TMEM245: variants seen among roughly 807,000 people sequenced by gnomAD.
The protein encoded by TMEM245 is protein CG-2.
A neutral mutation model predicts 101.2 loss-of-function variants in TMEM245; 69 were observed. That is an observed-to-expected ratio of 0.68 (90% CI 0.56 to 0.83). The LOEUF is 0.83. TMEM245 is among the 40% of genes least tolerant of loss of function. The pLI is 0.00. For missense variants in TMEM245, 1,075 were observed against 1,092.8 expected (o/e 0.98, Z 0.23); for synonymous variants, 537 against 449.8 (o/e 1.19, Z -2.45).
rs1310032788 is a variant in TMEM245 at position 109,087,315 on chromosome 9, T to G, written c.1178A>C (p.His393Pro). Reference protein sequence around the residue: ...AVWILKKLVIHFGVVDFLEKR... With the variant: ...AVWILKKLVIPFGVVDFLEKR... ...CTCTAGGAAATCCACAACTCCAAAGTGAATGACAAGCTTTTTGAGTATCCA... is the reference window on the plus strand; with the variant it reads ...CTCTAGGAAATCCACAACTCCAAAGGGAATGACAAGCTTTTTGAGTATCCA... The change falls in exon 6 of 18, where the codon CAC becomes CCC. Residue 393 changes from histidine (H) to proline (P), a missense_variant. His to Pro is a moderately conservative substitution (Grantham distance 77, BLOSUM62 -2). Around this residue, in one of 2 missense-constraint regions of TMEM245, gnomAD observed 808 missense variants for 741.5 expected, o/e 1.09. Coordinates refer to ENST00000374586, the MANE Select transcript of TMEM245 (RefSeq NM_032012.4). 6.2e-7 allele frequency: 1 copy of G among 1,605,580 alleles called. No individual in the cohort carries two copies. Among genetic ancestry groups the G allele is most frequent in the Non-Finnish European group, 8.5e-7 (1 of 1,177,098 alleles).
intron 3 of TMEM245, among the ~76,000 whole-genome samples, chr9:109,097,164 C>G (rs796498178): frequency 2.6e-4 from 40 of 152,240 alleles, no homozygotes; most frequent in African/African-American, 8.4e-4. Flanking sequence ...CAAAAGTAAG[C>G]TAGATAAAGA....
At chr9:109,048,028 A>C (rs1161970011) in intron 14 of TMEM245, among the ~76,000 whole-genome samples, 1 of 152,246 alleles carries the variant, frequency 6.6e-6, no homozygotes, top group Non-Finnish European at 1.5e-5. Context: ...GATGATAGTC[A>C]ATGGTCATAT....
intron 10 of TMEM245, among the ~76,000 whole-genome samples, chr9:109,063,157 T>C (rs1286388829): frequency 6.6e-6 from 1 of 152,134 alleles, no homozygotes; most frequent in African/African-American, 2.4e-5. Flanking sequence ...AGTTTCTCCG[T>C]CTCTGAGAGT....
intron 4 of TMEM245, 133 bp downstream of exon 4, chr9:109,093,342 T>C (rs1361729923): frequency 2.8e-6 from 2 of 716,796 alleles, no homozygotes; most frequent in East Asian, 2.6e-5. Context: ...GGCATAAAAA[T>C]AGGAACCAAA....
At chr9:109,092,583 C>T (rs1830036312) in intron 4 of TMEM245, among the ~76,000 whole-genome samples, 1 of 152,220 alleles carries the variant, frequency 6.6e-6, no homozygotes, top group Non-Finnish European at 1.5e-5. Flanking sequence ...TTCCTCTCCA[C>T]TTTGGAAACA....
intron 17 of TMEM245, among the ~76,000 whole-genome samples, chr9:109,032,548 C>T (rs1327758672): frequency 2.6e-5 from 4 of 150,946 alleles, no homozygotes; most frequent in Non-Finnish European, 4.4e-5. Flanking sequence ...CCACATCTGG[C>T]TAATTTTTGG....
chr9:109,066,023 T>A (rs1226204810), intron 9 of TMEM245, among the ~76,000 whole-genome samples: 1 of 152,040 alleles, frequency 6.6e-6, no homozygotes, highest in Non-Finnish European at 1.5e-5. Context: ...CAGAAAAAAA[T>A]AAGAGATCTT....
At chr9:109,106,751 T>G (rs1564210144) in intron 2 of TMEM245, 142 bp from the exon 3 acceptor site, 1 of 579,066 alleles carries the variant, frequency 1.7e-6, no homozygotes, top group Non-Finnish European at 3.0e-6. Flanking sequence ...AAAAAAAAAT[T>G]TAAGTCCATT....
chr9:109,074,990 T>C (rs1326329053), intron 8 of TMEM245, among the ~76,000 whole-genome samples: 3 of 152,120 alleles, frequency 2.0e-5, no homozygotes, highest in Admixed American at 6.5e-5. Context: ...TTGTGGGATA[T>C]GGAAAAAGAG....
chr9:109,077,836 G>A (rs769257695), intron 8 of TMEM245, among the ~76,000 whole-genome samples: 1 of 152,152 alleles, frequency 6.6e-6, no homozygotes, highest in Non-Finnish European at 1.5e-5. Flanking sequence ...CATACCAAAA[G>A]CAAGTTGGAA....
At chr9:109,074,598 C>T (rs1829438612) in intron 8 of TMEM245, among the ~76,000 whole-genome samples, 1 of 139,968 alleles carries the variant, frequency 7.1e-6, no homozygotes, top group African/African-American at 2.6e-5. Context: ...TCATCTCTGT[C>T]CCTTTCTGCA....
chr9:109,070,448 A>C (rs1829298387), intron 9 of TMEM245, among the ~76,000 whole-genome samples: 1 of 152,158 alleles, frequency 6.6e-6, no homozygotes, highest in South Asian at 2.1e-4. Flanking sequence ...TCCTATATCC[A>C]ATTAATCACC....
In TMEM245 at chr9:109,060,472, C is replaced by G. The variant is rs368387090; in HGVS notation, c.1624-20G>C. ...ATGGAGCTAGAAAAAAACACAGATA[C>G]GACGTGGTACAATATTTCAGGCAAC... On this transcript the variant is annotated intron_variant, in intron 10 of 17. Coordinates refer to ENST00000374586, the MANE Select transcript of TMEM245 (RefSeq NM_032012.4). 1 of 1,527,092 alleles carries G rather than the reference C, an allele frequency of 6.5e-7. No homozygotes were observed. Among genetic ancestry groups the G allele is most frequent in the Non-Finnish European group, 9.0e-7 (1 of 1,105,094 alleles). 94.6% of individuals were successfully genotyped at this position (1,527,092 alleles called of 1,614,324 possible). A position where few individuals can be genotyped will look rare whatever the true frequency, so the allele number is the denominator to read the frequency against.
chr9:109,025,744 C>T (rs956056605), intron 17 of TMEM245, among the ~76,000 whole-genome samples: 3 of 152,158 alleles, frequency 2.0e-5, no homozygotes, highest in Non-Finnish European at 4.4e-5. Context: ...GTGTTTTTGC[C>T]TTTCCCTACA....
At chr9:109,095,053 T>A (rs1362135001) in intron 3 of TMEM245, among the ~76,000 whole-genome samples, 1 of 152,214 alleles carries the variant, frequency 6.6e-6, no homozygotes, top group Non-Finnish European at 1.5e-5. Flanking sequence ...TCATACTCTG[T>A]CCCTCCTCTA....
chr9:109,025,758 C>A (rs1405285912), intron 17 of TMEM245, among the ~76,000 whole-genome samples: 1 of 152,186 alleles, frequency 6.6e-6, no homozygotes, highest in Non-Finnish European at 1.5e-5. Context: ...CCCTACACAT[C>A]CCATCTCCCT....
rs530849990 is a variant in TMEM245 at position 109,117,606 on chromosome 9, G to C, written c.579+1729C>G. Among the ~76,000 whole-genome samples the C allele has an allele frequency of 1.2e-4, 19 of 152,280 alleles. No individual in the cohort carries two copies. The South Asian group carries it at 3.9e-3, about 32-fold the overall frequency. On this transcript the variant is annotated intron_variant, in intron 1 of 17. Coordinates refer to ENST00000374586, the MANE Select transcript of TMEM245 (RefSeq NM_032012.4). ...CCGAGCTGTGGATGTTTCTTTACAA[G>C]TGCTCAACTCTTTCCACTGAGTATC...
chr9:109,017,050 T>C lies in TMEM245; in HGVS notation c.*3410A>G, dbSNP rs969153510. On this transcript the variant is annotated 3_prime_UTR_variant, in exon 18 of 18. Coordinates refer to ENST00000374586, the MANE Select transcript of TMEM245 (RefSeq NM_032012.4). ...GAATTTCTGAGTATTGCTTGACCAGTAGTGACACATTCCTGAGGCACTAAT... is the reference window on the plus strand; with the variant it reads ...GAATTTCTGAGTATTGCTTGACCAGCAGTGACACATTCCTGAGGCACTAAT... The C allele has an allele frequency of 6.6e-6, 1 of 152,178 alleles. No individual in the cohort carries two copies. Among genetic ancestry groups the C allele is most frequent in the African/African-American group, 2.4e-5 (1 of 41,438 alleles). The allele number at this position is 152,178 out of a possible 1,614,324, so 9.4% of individuals were successfully genotyped here. A position where few individuals can be genotyped will look rare whatever the true frequency, so the allele number is the denominator to read the frequency against.
chr9:109,064,958 T>C (rs184242187), intron 9 of TMEM245, among the ~76,000 whole-genome samples: 131 of 152,168 alleles, frequency 8.6e-4, no homozygotes, highest in Non-Finnish European at 1.5e-3. Flanking sequence ...TGGCTAATTT[T>C]GTATTTTAGT....
Sources: allele counts gnomAD v4.1 joint callset (sites outside exome capture counted in the v4.1 genomes callset), GRCh38; gene constraint gnomAD v4.1.1; regional missense constraint gnomAD v4.1.1; transcripts MANE v1.5; gene names NCBI Gene and HGNC (gene_info 2026-07-23, HGNC 2026-07-21).